Variants in LNX2 observed in about 807,000 individuals in gnomAD.
LNX2 encodes ligand of numb-protein X 2.
In LNX2, 35 loss-of-function variants were observed where a neutral mutation model predicts 66.2. The ratio of observed to expected loss-of-function variants is 0.53; its 90% CI spans 0.40 to 0.70. LNX2 has a LOEUF of 0.70. Ranked by LOEUF, LNX2 falls within the 30% of genes least tolerant of loss-of-function variation. The pLI is 0.00. For synonymous variants in LNX2, 337 were observed against 315.6 expected (o/e 1.07, Z -0.72); for missense variants, 791 against 850.8 (o/e 0.93, Z 0.87).
At chr13:27,582,834 T>C (rs35141016) in intron 1 of LNX2, among the ~76,000 whole-genome samples, 7,025 of 152,068 alleles carry the variant, frequency 0.046, 185 homozygotes, top group South Asian at 0.067. Flanking sequence ...GGCACATGTA[T>C]ACCTAATGTA....
intron 1 of LNX2, among the ~76,000 whole-genome samples, chr13:27,583,637 T>A (rs1480510312): frequency 1.3e-5 from 2 of 152,056 alleles, no homozygotes; most frequent in Non-Finnish European, 2.9e-5. Context: ...ACGGTTTCCA[T>A]CTTTCTACTG....
intron 1 of LNX2, among the ~76,000 whole-genome samples, chr13:27,614,263 G>A (rs1955803830): frequency 6.6e-6 from 1 of 152,200 alleles, no homozygotes; most frequent in Admixed American, 6.5e-5. Context: ...TATTCCAGAG[G>A]TCACAGGATA....
chr13:27,597,234 T>A (rs1481585617), intron 1 of LNX2, among the ~76,000 whole-genome samples: 1 of 152,212 alleles, frequency 6.6e-6, no homozygotes, highest in East Asian at 1.9e-4. Context: ...CAGCAGTTTA[T>A]AAGTCCTGCT....
At chr13:27,578,597 G>A (rs8002709) in intron 2 of LNX2, among the ~76,000 whole-genome samples, 87,104 of 151,914 alleles carry the variant, frequency 0.57, 25,515 homozygotes, top group African/African-American at 0.68. Flanking sequence ...TTCAAGGCTA[G>A]ATCATATGAG....
intron 6 of LNX2, among the ~76,000 whole-genome samples, chr13:27,558,284 A>G (rs1593239954): frequency 6.6e-6 from 1 of 151,536 alleles, no homozygotes; most frequent in East Asian, 1.9e-4. Context: ...AAATGAACAC[A>G]TTCCATTTCA....
intron 1 of LNX2, among the ~76,000 whole-genome samples, chr13:27,602,103 G>A (rs528526942): frequency 2.0e-5 from 3 of 151,666 alleles, no homozygotes; most frequent in South Asian, 2.1e-4. Flanking sequence ...CTTTTGAGGT[G>A]GAATTTAAAT....
intron 8 of LNX2, among the ~76,000 whole-genome samples, chr13:27,551,197 G>C (rs1463188760): frequency 6.6e-6 from 1 of 152,100 alleles, no homozygotes; most frequent in Non-Finnish European, 1.5e-5. Flanking sequence ...TGAGACAGGA[G>C]GATGGCTTGT....
intron 1 of LNX2, among the ~76,000 whole-genome samples, chr13:27,596,095 G>A (rs1955594239): frequency 6.6e-6 from 1 of 152,098 alleles, no homozygotes. Flanking sequence ...TGAACTGCAT[G>A]GGTTCACTCA....
At chr13:27,604,268 C>A (rs1269271533) in intron 1 of LNX2, among the ~76,000 whole-genome samples, 1 of 152,212 alleles carries the variant, frequency 6.6e-6, no homozygotes, top group Non-Finnish European at 1.5e-5. Context: ...ATAAAATGAA[C>A]CACGCTCTTT....
chr13:27,585,001 C>T (rs958667685), intron 1 of LNX2, among the ~76,000 whole-genome samples: 1 of 151,598 alleles, frequency 6.6e-6, no homozygotes, highest in African/African-American at 2.4e-5. Flanking sequence ...GGCTGTAGTC[C>T]CAACTACTTA....
At position 27,614,352 on chromosome 13, in the gene LNX2, GTTT is replaced by G. The variant is rs1955804848; in HGVS notation, c.-101+6020_-101+6022del. Among the ~76,000 whole-genome samples the G allele has an allele frequency of 2.0e-5, 3 of 152,116 alleles. No individual in the cohort carries two copies. In the South Asian group the frequency reaches 6.2e-4, roughly 32 times the overall value. On this transcript the variant is annotated intron_variant, in intron 1 of 9. Coordinates refer to ENST00000316334, the MANE Select transcript of LNX2 (RefSeq NM_153371.4). ...TTGGCCTTTTGAGATATCTGTTCAG[GTTT>G]TTTGGTTGGACCCACTGACCACTCC...
intron 1 of LNX2, among the ~76,000 whole-genome samples, chr13:27,590,401 T>C (rs1236076068): frequency 6.6e-6 from 1 of 152,048 alleles, no homozygotes; most frequent in Non-Finnish European, 1.5e-5. Flanking sequence ...ATATTTTTAG[T>C]AGAGATGGGT....
intron 1 of LNX2, among the ~76,000 whole-genome samples, chr13:27,610,037 T>C (rs1020869750): frequency 6.6e-6 from 1 of 152,168 alleles, no homozygotes; most frequent in African/African-American, 2.4e-5. Flanking sequence ...GAGAAATCCA[T>C]GAGATTAATA....
chr13:27,559,786 C>G, intron 6 of LNX2, 56 bp downstream of exon 6: 1 of 1,427,036 alleles, frequency 7.0e-7, no homozygotes, highest in South Asian at 1.7e-5. Flanking sequence ...TTAAATCTTA[C>G]CAGCTTGTAA....
chr13:27,584,607 G>A (rs963746639), intron 1 of LNX2, among the ~76,000 whole-genome samples: 6 of 152,100 alleles, frequency 3.9e-5, no homozygotes, highest in African/African-American at 1.4e-4. Flanking sequence ...GACTGCTTGA[G>A]CCCAGGACTT....
intron 1 of LNX2, among the ~76,000 whole-genome samples, chr13:27,599,477 C>A (rs1449769812): frequency 1.3e-5 from 2 of 152,172 alleles, no homozygotes; most frequent in African/African-American, 4.8e-5. Flanking sequence ...ATAACTTCCT[C>A]TATCCTTATC....
chr13:27,595,910 G>A (rs777912734), intron 1 of LNX2, among the ~76,000 whole-genome samples: 3 of 152,204 alleles, frequency 2.0e-5, no homozygotes, highest in Non-Finnish European at 4.4e-5. Flanking sequence ...CTAATCTGCT[G>A]TAGGCTGAGT....
intron 1 of LNX2, among the ~76,000 whole-genome samples, chr13:27,611,134 T>A (rs1016457626): frequency 2.8e-4 from 43 of 152,086 alleles, no homozygotes; most frequent in Admixed American, 1.6e-3. Context: ...CAAAGCAGGG[T>A]CTCAAAGAGA....
chr13:27,582,382 T>C (rs533371194), intron 1 of LNX2, among the ~76,000 whole-genome samples: 151 of 152,148 alleles, frequency 9.9e-4, no homozygotes, highest in Non-Finnish European at 1.8e-3. Flanking sequence ...AAAGACACCA[T>C]AGATTATATA....
Sources: gnomAD v4.1 joint callset for allele counts (sites outside exome capture counted in the v4.1 genomes callset) on GRCh38, gnomAD v4.1.1 for gene constraint, MANE v1.5 for transcripts, NCBI Gene and HGNC (gene_info 2026-07-23, HGNC 2026-07-21) for gene names.